DLG2: variants seen among roughly 807,000 people sequenced by gnomAD.
The protein encoded by DLG2 is disks large homolog 2.
Under a neutral mutation model 132.5 loss-of-function variants are expected in DLG2, and 45 were observed. That is an observed-to-expected ratio of 0.34 (90% CI 0.27 to 0.44). The LOEUF (loss-of-function observed/expected upper bound fraction) is 0.44, where lower values mean the gene tolerates loss of function less well. Among genes scored for constraint, DLG2 ranks in the 20% least tolerant of loss-of-function variants. The pLI, the probability that DLG2 is intolerant of heterozygous loss-of-function variation, is 1.00. For synonymous variants in DLG2, 424 were observed against 419.6 expected, an observed-to-expected ratio of 1.01 and a Z score of -0.13; for missense variants, 1,045 against 1,196.9, an observed-to-expected ratio of 0.87 and a Z score of 1.87.
intron 7 of DLG2, among the ~76,000 whole-genome samples, chr11:84,418,769 G>A (rs1326568223): frequency 6.6e-6 from 1 of 152,062 alleles, no homozygotes; most frequent in East Asian, 1.9e-4. Flanking sequence ...AATACGCTTA[G>A]GTTCCCTAAA....
chr11:84,817,716 A>T (rs1201157190), intron 6 of DLG2, among the ~76,000 whole-genome samples: 1 of 152,018 alleles, frequency 6.6e-6, no homozygotes, highest in Non-Finnish European at 1.5e-5. Flanking sequence ...TTCAACTAGT[A>T]ATGGGTGAAG....
intron 15 of DLG2, among the ~76,000 whole-genome samples, chr11:83,891,534 C>A (rs140715495): frequency 6.6e-6 from 1 of 152,148 alleles, no homozygotes; most frequent in Admixed American, 6.5e-5. Context: ...TCATGATCCT[C>A]AGGTTTATAA....
Position 85,021,534 on chromosome 11 carries a change from A to G in DLG2, c.357+90127T>C, listed in dbSNP as rs1592808606. On this transcript the variant is annotated intron_variant, in intron 6 of 27. Transcript: ENST00000376104. ...GAACAGAGGAGTCCACAATTTTGCCATACTTCGAAAAGATTGCCTCCACAT... is the reference window on the plus strand; with the variant it reads ...GAACAGAGGAGTCCACAATTTTGCCGTACTTCGAAAAGATTGCCTCCACAT... 5 of 1,586,884 alleles carry G rather than the reference A, an allele frequency of 3.2e-6. No homozygotes were observed. The South Asian group carries it at 4.4e-5, about 14-fold the overall frequency.
At chr11:83,593,852 A>G (rs933807251) in intron 19 of DLG2, among the ~76,000 whole-genome samples, 17 of 152,050 alleles carry the variant, frequency 1.1e-4, no homozygotes, top group African/African-American at 4.1e-4. Context: ...AAAAAAAAAG[A>G]TAAAATAGTG....
At chr11:84,562,822 T>C (rs1290502070) in intron 6 of DLG2, among the ~76,000 whole-genome samples, 1 of 151,640 alleles carries the variant, frequency 6.6e-6, no homozygotes, top group African/African-American at 2.4e-5. Context: ...CGAACATGGC[T>C]CCCTGCTGCA....
At chr11:85,472,520 G>C (rs1054254938) in intron 3 of DLG2, among the ~76,000 whole-genome samples, 17 of 152,202 alleles carry the variant, frequency 1.1e-4, no homozygotes, top group Admixed American at 2.6e-4. Context: ...GGATGGTCTT[G>C]ATCTCTTGAC....
chr11:84,099,425 G>A (rs2092203436), intron 9 of DLG2, among the ~76,000 whole-genome samples: 1 of 151,996 alleles, frequency 6.6e-6, no homozygotes, highest in Admixed American at 6.6e-5. Context: ...AAAGTTACAT[G>A]AAAGAATTTG....
chr11:84,345,678 G>A (rs568980457), intron 7 of DLG2, among the ~76,000 whole-genome samples: 1 of 151,914 alleles, frequency 6.6e-6, no homozygotes, highest in African/African-American at 2.4e-5. Flanking sequence ...ATCCTTCTCT[G>A]GTACTTTGTA....
chr11:84,191,814 C>A (rs959140411), intron 8 of DLG2, among the ~76,000 whole-genome samples: 5 of 152,014 alleles, frequency 3.3e-5, no homozygotes, highest in Non-Finnish European at 7.4e-5. Context: ...GTAGGGAGAA[C>A]TGTGGACATT....
intron 6 of DLG2, among the ~76,000 whole-genome samples, chr11:84,877,512 C>CTTTTTTT (rs60339036): frequency 1.0e-3 from 58 of 57,446 alleles, no homozygotes; most frequent in East Asian, 1.2e-3. Flanking sequence ...GCAACCCCTG[C>CTTTTTTT]TTTTTTTTTT....
chr11:84,834,962 C>A (rs1414980190), intron 6 of DLG2, among the ~76,000 whole-genome samples: 1 of 151,464 alleles, frequency 6.6e-6, no homozygotes, highest in Non-Finnish European at 1.5e-5. Flanking sequence ...AATGCTAATA[C>A]TTCCTAATAA....
chr11:84,020,336 A>G (rs1456456838), intron 11 of DLG2, among the ~76,000 whole-genome samples: 1 of 152,194 alleles, frequency 6.6e-6, no homozygotes, highest in Non-Finnish European at 1.5e-5. Context: ...GATATAGATG[A>G]TATGTGTGTA....
intron 18 of DLG2, among the ~76,000 whole-genome samples, chr11:83,740,091 C>T (rs1176792964): frequency 2.0e-5 from 3 of 152,122 alleles, no homozygotes; most frequent in Non-Finnish European, 2.9e-5. Context: ...GTAAATTCAT[C>T]TTCACTTTGC....
intron 6 of DLG2, among the ~76,000 whole-genome samples, chr11:85,091,713 TA>T (rs1487516009): frequency 1.3e-5 from 2 of 152,242 alleles, no homozygotes; most frequent in Non-Finnish European, 2.9e-5. Flanking sequence ...TGCTCATCCG[TA>T]ACAAGCAACT....
Position 84,296,777 on chromosome 11 carries a change from T to C in DLG2, c.520-45486A>G, listed in dbSNP as rs1040253057. 5.3e-5 allele frequency among the ~76,000 whole-genome samples: 8 copies of C among 152,258 alleles called. No individual in the cohort carries two copies. The South Asian group carries it at 8.3e-4, about 16-fold the overall frequency. Reference sequence around the variant, plus strand: ...TGAGAGAGAGAGAGAGGAAATAATATGCTCAAAAAAGCTAAAATATTTTTT... The same window carrying C: ...TGAGAGAGAGAGAGAGGAAATAATACGCTCAAAAAAGCTAAAATATTTTTT... On this transcript the variant is annotated intron_variant, in intron 7 of 27. Coordinates refer to ENST00000376104, the MANE Select transcript of DLG2 (RefSeq NM_001142699.3).
chr11:84,679,721 T>C (rs1385987117), intron 6 of DLG2, among the ~76,000 whole-genome samples: 1 of 152,152 alleles, frequency 6.6e-6, no homozygotes, highest in East Asian at 1.9e-4. Context: ...ACTTCGTCTA[T>C]GAACTAGTGC....
intron 7 of DLG2, among the ~76,000 whole-genome samples, chr11:84,447,296 C>T (rs1472338641): frequency 1.3e-5 from 2 of 152,252 alleles, no homozygotes; most frequent in African/African-American, 4.8e-5. Flanking sequence ...AGTTCTGGCA[C>T]ATAGCCTGAG....
chr11:85,375,606 A>AT (rs2085343375), intron 3 of DLG2, among the ~76,000 whole-genome samples: 1 of 152,184 alleles, frequency 6.6e-6, no homozygotes, highest in Non-Finnish European at 1.5e-5. Flanking sequence ...ATGTAGTTTT[A>AT]TTTTTTCAGT....
At chr11:83,869,377 G>T (rs1176786824) in intron 16 of DLG2, among the ~76,000 whole-genome samples, 2 of 152,192 alleles carry the variant, frequency 1.3e-5, no homozygotes, top group Non-Finnish European at 2.9e-5. Context: ...TCCATTAGAG[G>T]TCTTGTTTCC....
Sources: allele counts gnomAD v4.1 joint callset (sites outside exome capture counted in the v4.1 genomes callset), GRCh38; gene constraint gnomAD v4.1.1; transcripts MANE v1.5; gene names NCBI Gene and HGNC (gene_info 2026-07-23, HGNC 2026-07-21).